Variants in HDAC4 observed in about 807,000 individuals in gnomAD.
The protein encoded by HDAC4 is histone deacetylase A.
HDAC4 carries 16 observed loss-of-function variants against 135.1 expected under a neutral mutation model. The observed-to-expected ratio is 0.12, with a 90% CI of 0.08 to 0.18. HDAC4 has a LOEUF of 0.18. Ranked by LOEUF, HDAC4 falls within the 10% of genes least tolerant of loss-of-function variation. HDAC4 has a pLI of 1.00. For synonymous variants in HDAC4, 685 were observed against 653.4 expected, an observed-to-expected ratio of 1.05 and a Z score of -0.74; for missense variants, 1,143 against 1,511.8, an observed-to-expected ratio of 0.76 and a Z score of 4.05.
intron 1 of HDAC4, among the ~76,000 whole-genome samples, chr2:239,392,207 C>G (rs1696274932): frequency 6.6e-6 from 1 of 152,214 alleles, no homozygotes; most frequent in Non-Finnish European, 1.5e-5. Flanking sequence ...CTACGCTGGG[C>G]TGTGCTGCAC....
intron 11 of HDAC4, among the ~76,000 whole-genome samples, chr2:239,131,993 G>C (rs1371714024): frequency 6.6e-6 from 1 of 152,186 alleles, no homozygotes; most frequent in African/African-American, 2.4e-5. Flanking sequence ...CCCACAAGAA[G>C]ATGGGGCAAT....
chr2:239,104,017 C>T (rs1559433880), intron 15 of HDAC4, among the ~76,000 whole-genome samples: 1 of 150,796 alleles, frequency 6.6e-6, no homozygotes, highest in Admixed American at 6.6e-5. Flanking sequence ...CGGGCTTCCT[C>T]TATGAAGGTC....
At chr2:239,338,168 C>A (rs1559371409) in intron 2 of HDAC4, among the ~76,000 whole-genome samples, 1 of 152,190 alleles carries the variant, frequency 6.6e-6, no homozygotes, top group Non-Finnish European at 1.5e-5. Context: ...GTCTGTGCCA[C>A]CAGCTGGACG....
intron 17 of HDAC4, among the ~76,000 whole-genome samples, chr2:239,090,861 C>A (rs1416479879): frequency 6.6e-6 from 1 of 152,198 alleles, no homozygotes; most frequent in East Asian, 1.9e-4. Context: ...AAATAATTAG[C>A]AGCAAAATGA....
chr2:239,158,347 T>A (rs1452973046), intron 6 of HDAC4, among the ~76,000 whole-genome samples: 1 of 152,126 alleles, frequency 6.6e-6, no homozygotes, highest in Non-Finnish European at 1.5e-5. Flanking sequence ...TGTACATGCA[T>A]CCCACGAGTT....
At chr2:239,125,056 A>G (rs1287145859) in intron 12 of HDAC4, among the ~76,000 whole-genome samples, 1 of 152,166 alleles carries the variant, frequency 6.6e-6, no homozygotes, top group East Asian at 1.9e-4. Context: ...CAGGATGGAC[A>G]CCTGGGCTGT....
chr2:239,165,613 G>A (rs1284141787), intron 5 of HDAC4, among the ~76,000 whole-genome samples: 2 of 152,154 alleles, frequency 1.3e-5, no homozygotes, highest in African/African-American at 4.8e-5. Flanking sequence ...CTATAAATAG[G>A]TATTCTCATC....
chr2:239,113,762 T>C (rs1185108495), intron 13 of HDAC4, among the ~76,000 whole-genome samples: 1 of 152,184 alleles, frequency 6.6e-6, no homozygotes, highest in Non-Finnish European at 1.5e-5. Context: ...CCTGGGCCTG[T>C]CGGACAGGAC....
intron 1 of HDAC4, among the ~76,000 whole-genome samples, chr2:239,369,815 G>A (rs907850445): frequency 6.6e-6 from 1 of 152,142 alleles, no homozygotes. Flanking sequence ...AGAAAACAAC[G>A]GAAATGAAGA....
intron 11 of HDAC4, among the ~76,000 whole-genome samples, chr2:239,127,069 G>A (rs1269414547): frequency 1.3e-5 from 2 of 152,194 alleles, no homozygotes; most frequent in Non-Finnish European, 2.9e-5. Flanking sequence ...ACAGCACGGT[G>A]GGAGGGGAGA....
intron 11 of HDAC4, 33 bp from the exon 12 acceptor site, chr2:239,126,727 G>T (rs374345446): frequency 1.2e-6 from 2 of 1,606,008 alleles, no homozygotes; most frequent in Non-Finnish European, 1.7e-6. Flanking sequence ...ACAGCAGAGG[G>T]GAAGAGGAAG....
chr2:239,258,401 C>T (rs1383153673), intron 2 of HDAC4, among the ~76,000 whole-genome samples: 9 of 151,870 alleles, frequency 5.9e-5, no homozygotes, highest in South Asian at 4.2e-4. Context: ...AAAACAAAAA[C>T]GGCCGTGGAG....
intron 2 of HDAC4, among the ~76,000 whole-genome samples, chr2:239,248,188 T>C (rs1046937953): frequency 6.6e-6 from 1 of 151,860 alleles, no homozygotes; most frequent in Non-Finnish European, 1.5e-5. Context: ...CTTGCACTTT[T>C]TTTTTTTTTT....
chr2:239,108,221 CA>C, intron 14 of HDAC4, 38 bp from the exon 15 acceptor site: 1 of 1,571,264 alleles, frequency 6.4e-7, no homozygotes, highest in African/African-American at 1.4e-5. Context: ...AGCGCACATC[CA>C]GGGGCGAGCC....
chr2:239,316,644 A>T (rs1323816064), intron 2 of HDAC4, among the ~76,000 whole-genome samples: 1 of 152,152 alleles, frequency 6.6e-6, no homozygotes, highest in Non-Finnish European at 1.5e-5. Context: ...GGCTGTCCAC[A>T]GGAATGAGCA....
At chr2:239,151,898 G>A (rs1288785449) in intron 7 of HDAC4, among the ~76,000 whole-genome samples, 1 of 152,226 alleles carries the variant, frequency 6.6e-6, no homozygotes, top group South Asian at 2.1e-4. Context: ...GAGGATGCTG[G>A]ACAAGGAGTG....
intron 2 of HDAC4, among the ~76,000 whole-genome samples, chr2:239,238,672 C>T (rs913916492): frequency 7.9e-5 from 12 of 152,210 alleles, no homozygotes; most frequent in Non-Finnish European, 1.5e-4. Flanking sequence ...ACTGCTTATG[C>T]CTGAGCCCAA....
At chr2:239,242,643 T>G (rs966455872) in intron 2 of HDAC4, among the ~76,000 whole-genome samples, 3 of 152,248 alleles carry the variant, frequency 2.0e-5, no homozygotes, top group African/African-American at 4.8e-5. Flanking sequence ...TTCTTTATTC[T>G]GCTGGCTCAG....
intron 3 of HDAC4, among the ~76,000 whole-genome samples, chr2:239,192,631 G>C (rs2045069559): frequency 1.3e-5 from 2 of 152,184 alleles, no homozygotes; most frequent in Admixed American, 1.3e-4. Flanking sequence ...GGTGCTAAAT[G>C]CTTTCCTGAA....
Sources: allele counts gnomAD v4.1 joint callset (sites outside exome capture counted in the v4.1 genomes callset), GRCh38; gene constraint gnomAD v4.1.1; transcripts MANE v1.5; gene names NCBI Gene and HGNC (gene_info 2026-07-23, HGNC 2026-07-21).